Variants in NPAS3 observed in about 807,000 individuals in gnomAD.
NPAS3 encodes neuronal PAS domain protein 3, also known as neuronal PAS domain-containing protein 3.
NPAS3 carries 14 observed loss-of-function variants against 73.1 expected under a neutral mutation model. The ratio of observed to expected loss-of-function variants is 0.19; its 90% CI spans 0.13 to 0.30. The LOEUF (loss-of-function observed/expected upper bound fraction) is 0.30, where lower values mean the gene tolerates loss of function less well. NPAS3 is among the 10% of genes least tolerant of loss of function. The pLI is 1.00. For synonymous variants in NPAS3, 620 were observed against 541.5 expected, an observed-to-expected ratio of 1.14 and a Z score of -2.01; for missense variants, 1,096 against 1,250.0, an observed-to-expected ratio of 0.88 and a Z score of 1.86.
chr14:33,318,565 T>A (rs1004238077), intron 3 of NPAS3, among the ~76,000 whole-genome samples: 1 of 152,114 alleles, frequency 6.6e-6, no homozygotes, highest in Non-Finnish European at 1.5e-5. Flanking sequence ...TCCAAAAATG[T>A]GTGTATGTGT....
chr14:33,150,387 T>C lies in NPAS3; in HGVS notation c.141-64795T>C, dbSNP rs142989640. Among the ~76,000 whole-genome samples, 1,128 of 152,338 alleles carry C rather than the reference T, an allele frequency of 7.4e-3. 5 individuals carry two copies. The highest frequency in any genetic ancestry group is 0.014 in the South Asian group (69 of 4,830). Reference sequence around the variant, plus strand: ...GAACCTAAAGACTCAAGCAAACCATTGTTGAAACGTGCATCAGCAATAAAT... The same window carrying C: ...GAACCTAAAGACTCAAGCAAACCATCGTTGAAACGTGCATCAGCAATAAAT... On this transcript the variant is annotated intron_variant, in intron 2 of 11. Transcript: ENST00000356141.
At chr14:33,528,146 C>G (rs2053884110) in intron 4 of NPAS3, among the ~76,000 whole-genome samples, 1 of 151,910 alleles carries the variant, frequency 6.6e-6, no homozygotes, top group African/African-American at 2.4e-5. Context: ...AAGAGATTAT[C>G]CTGATTATCT....
chr14:33,066,924 G>C (rs1326434091), intron 2 of NPAS3, among the ~76,000 whole-genome samples: 1 of 152,166 alleles, frequency 6.6e-6, no homozygotes, highest in African/African-American at 2.4e-5. Flanking sequence ...CGGAGAAAAG[G>C]AAAGAACATG....
At chr14:33,706,569 AAAT>A (rs2060662233) in intron 6 of NPAS3, among the ~76,000 whole-genome samples, 1 of 152,220 alleles carries the variant, frequency 6.6e-6, no homozygotes, top group South Asian at 2.1e-4. Flanking sequence ...TAAAATGAAT[AAAT>A]AGGAACTTTT....
chr14:33,478,209 C>T (rs2051139193), intron 4 of NPAS3, among the ~76,000 whole-genome samples: 2 of 152,174 alleles, frequency 1.3e-5, no homozygotes, highest in African/African-American at 2.4e-5. Context: ...ATGGATTTTG[C>T]ACCACTTTAA....
In NPAS3 at chr14:33,800,541, A is replaced by G; in HGVS notation, c.2234A>G (p.Asp745Gly). The G allele has an allele frequency of 7.4e-7, 1 of 1,351,782 alleles. No individual in the cohort carries two copies. Among genetic ancestry groups the G allele is most frequent in the South Asian group, 1.9e-5 (1 of 51,440 alleles). 83.7% of individuals were successfully genotyped at this position (1,351,782 alleles called of 1,614,324 possible). A position where few individuals can be genotyped will look rare whatever the true frequency, so the allele number is the denominator to read the frequency against. The change falls in exon 12 of 12, where the codon GAC (aspartate) becomes GGC (glycine). Residue 745 changes from aspartate to glycine, a missense_variant. Around this residue, in one of 5 missense-constraint regions of NPAS3, gnomAD observed 698 missense variants for 676.7 expected, o/e 1.03. Coordinates refer to ENST00000356141, the Ensembl canonical transcript of NPAS3. This position sits in a 1 kb window ranked among gnomAD's most constrained non-coding sequence, Gnocchi z 6.5. ...GCGGCCCTGGCCCCCGTCGCCTCCGACCCGCTGTCACCCCCGCTCTCGGCG... is the reference window on the plus strand; with the variant it reads ...GCGGCCCTGGCCCCCGTCGCCTCCGGCCCGCTGTCACCCCCGCTCTCGGCG...
chr14:33,153,587 T>C (rs2044539379), intron 2 of NPAS3, among the ~76,000 whole-genome samples: 1 of 152,132 alleles, frequency 6.6e-6, no homozygotes, highest in African/African-American at 2.4e-5. Flanking sequence ...AGAGCTCCTG[T>C]TTAATGATCT....
At chr14:33,074,440 G>A (rs1054621525) in intron 2 of NPAS3, among the ~76,000 whole-genome samples, 14 of 151,996 alleles carry the variant, frequency 9.2e-5, no homozygotes, top group Admixed American at 2.0e-4. Context: ...TTTTTGAGAC[G>A]GAGTCTTGCT....
chr14:33,178,295 G>C (rs1046806614), intron 2 of NPAS3, among the ~76,000 whole-genome samples: 11 of 151,872 alleles, frequency 7.2e-5, no homozygotes, highest in Non-Finnish European at 2.9e-5. Flanking sequence ...GGATGGTCTC[G>C]ATCTCTTGAC....
chr14:32,947,696 A>G (rs1168526136), intron 1 of NPAS3, among the ~76,000 whole-genome samples: 1 of 152,130 alleles, frequency 6.6e-6, no homozygotes, highest in Non-Finnish European at 1.5e-5. Context: ...GATATCTTGA[A>G]CATTATAAAT....
At chr14:33,229,533 G>A (rs1252922645) in intron 3 of NPAS3, among the ~76,000 whole-genome samples, 1 of 152,172 alleles carries the variant, frequency 6.6e-6, no homozygotes, top group Non-Finnish European at 1.5e-5. Flanking sequence ...ATTTGCGAGG[G>A]AAGACTAGAC....
chr14:33,034,931 T>C (rs1203567798), intron 1 of NPAS3, among the ~76,000 whole-genome samples: 1 of 152,184 alleles, frequency 6.6e-6, no homozygotes, highest in Admixed American at 6.5e-5. Flanking sequence ...TAAGACAACT[T>C]ATTATTTTCT....
At chr14:32,980,754 C>T (rs2037863265) in intron 1 of NPAS3, among the ~76,000 whole-genome samples, 1 of 152,032 alleles carries the variant, frequency 6.6e-6, no homozygotes, top group African/African-American at 2.4e-5. Flanking sequence ...TAATGCTTGC[C>T]ACCTGAATCA....
In NPAS3 at chr14:33,301,316, ATATATATTTTTTTT is replaced by A. The variant is rs1313507065; in HGVS notation, c.386-65868_386-65855del. On this transcript the variant is annotated intron_variant, in intron 3 of 11. Transcript: ENST00000356141. Reference sequence around the variant, plus strand: ...ACCTAGGTTTTATCATTATATATATATATATATTTTTTTTTTTTAAATCTAGCTGTAATGGGTTA... The same window carrying A: ...ACCTAGGTTTTATCATTATATATATATTTTAAATCTAGCTGTAATGGGTTA... Among the ~76,000 whole-genome samples the A allele has an allele frequency of 7.2e-5, 7 of 97,552 alleles. 1 individual carries two copies. Among genetic ancestry groups the A allele is most frequent in the African/African-American group, 3.1e-4 (7 of 22,780 alleles). The allele number at this position is 97,552 out of a possible 152,430, so 64.0% of individuals were successfully genotyped here. A position where few individuals can be genotyped will look rare whatever the true frequency, so the allele number is the denominator to read the frequency against.
At chr14:33,641,160 A>T (rs1368908245) in intron 5 of NPAS3, among the ~76,000 whole-genome samples, 3 of 152,144 alleles carry the variant, frequency 2.0e-5, no homozygotes, top group Non-Finnish European at 2.9e-5. Flanking sequence ...AAATGTTTTC[A>T]CTCACTTTTT....
At chr14:33,068,208 C>T (rs2041347482) in intron 2 of NPAS3, among the ~76,000 whole-genome samples, 1 of 152,224 alleles carries the variant, frequency 6.6e-6, no homozygotes, top group Non-Finnish European at 1.5e-5. Context: ...TGCTCCATCT[C>T]ACGTCAAGCT....
rs1050326726 is a variant in NPAS3, at chr14:33,773,088, A to T, written c.853-1249A>T. 4.6e-5 allele frequency among the ~76,000 whole-genome samples: 7 copies of T among 152,200 alleles called. No homozygotes were observed. In the East Asian group the frequency reaches 1.2e-3, roughly 25 times the overall value. The stretch of plus-strand genomic sequence containing the variant: ...TGGAAAACCAAGTAACTTAAAAGAA[A>T]CAAAAATAAAATGGAAAAGGAATTG... On this transcript the variant is annotated intron_variant, in intron 7 of 11. Transcript: ENST00000356141.
intron 1 of NPAS3, among the ~76,000 whole-genome samples, 195 bp from the exon 2 acceptor site, chr14:33,055,710 G>A (rs942447163): frequency 3.3e-5 from 5 of 151,964 alleles, no homozygotes; most frequent in African/African-American, 1.2e-4. Context: ...AACTGAAAAA[G>A]TTGCTTTTCT....
In NPAS3 at chr14:32,959,585, A is replaced by G. The variant is rs187982106; in HGVS notation, c.50+20219A>G. Among the ~76,000 whole-genome samples the G allele has an allele frequency of 3.7e-4, 57 of 152,332 alleles. 1 individual carries two copies. In the East Asian group the frequency reaches 7.7e-3, roughly 21 times the overall value. On this transcript the variant is annotated intron_variant, in intron 1 of 11. Transcript: ENST00000356141. ...TTTCATGAAACCTTCTGCAGCCTGC[A>G]TGAATTGTGTTCCAGTTTCTCATAG...
Sources: allele counts gnomAD v4.1 joint callset (sites outside exome capture counted in the v4.1 genomes callset), GRCh38; gene constraint gnomAD v4.1.1; regional missense constraint gnomAD v4.1.1; non-coding constraint Gnocchi (gnomAD v3.1); transcripts MANE v1.5; gene names NCBI Gene and HGNC (gene_info 2026-07-23, HGNC 2026-07-21).